Variants in MAP3K1 observed in about 807,000 individuals in gnomAD.
MAP3K1 encodes mitogen-activated protein kinase kinase kinase 1.
MAP3K1 carries 36 observed loss-of-function variants against 144.2 expected under a neutral mutation model. The ratio of observed to expected loss-of-function variants is 0.25; its 90% CI spans 0.19 to 0.33. The LOEUF is 0.33. Among genes scored for constraint, MAP3K1 ranks in the 10% least tolerant of loss-of-function variants. The probability of loss-of-function intolerance (pLI) is 1.00; values close to 1 mark genes in which losing one functional copy is unlikely to be tolerated. For missense variants in MAP3K1, 1,650 were observed against 1,881.9 expected, an observed-to-expected ratio of 0.88 and a Z score of 2.28; for synonymous variants, 718 against 688.7, an observed-to-expected ratio of 1.04 and a Z score of -0.67.
chr5:56,838,326 T>C (rs974990286), intron 1 of MAP3K1, among the ~76,000 whole-genome samples: 17 of 152,228 alleles, frequency 1.1e-4, no homozygotes, highest in Non-Finnish European at 2.4e-4. Flanking sequence ...AAAACAGTTA[T>C]GATGAATGTC....
intron 1 of MAP3K1, among the ~76,000 whole-genome samples, chr5:56,827,794 G>A (rs1356551853): frequency 6.6e-6 from 1 of 152,024 alleles, no homozygotes; most frequent in Non-Finnish European, 1.5e-5. Context: ...AAACTGGAAG[G>A]CAGAGGTTGC....
chr5:56,878,861 C>G, intron 10 of MAP3K1, 119 bp from the exon 11 acceptor site: 1 of 823,330 alleles, frequency 1.2e-6, no homozygotes, highest in Non-Finnish European at 2.0e-6. Context: ...TTATTTTATT[C>G]TATGGGTTAT....
Position 56,895,218 on chromosome 5 carries a change from G to T in MAP3K1, c.*1538G>T, listed in dbSNP as rs1312304560. ...TATTGCTTACAATTTTTAAAAGGCA[G>T]TTTGTTTTTTATGTGAATATGTTTC... On this transcript the variant is annotated 3_prime_UTR_variant, in exon 20 of 20. Coordinates refer to ENST00000399503, the MANE Select transcript of MAP3K1 (RefSeq NM_005921.2). 1 of 231,950 alleles carries T rather than the reference G, an allele frequency of 4.3e-6. No individual in the cohort carries two copies. The highest frequency in any genetic ancestry group is 6.1e-5 in the East Asian group (1 of 16,380). The allele number at this position is 231,950 out of a possible 1,614,324, so 14.4% of individuals were successfully genotyped here.
chr5:56,880,654 A>AT lies in MAP3K1; in HGVS notation c.2088-55dup. ...CAAGGCATTACATTACTCCTCTAATATTGTATAGTGTTTTAGCCAAGATCC... is the reference window on the plus strand; with the variant it reads ...CAAGGCATTACATTACTCCTCTAATATTTGTATAGTGTTTTAGCCAAGATCC... On this transcript the variant is annotated intron_variant, in intron 11 of 19. Transcript: ENST00000399503. 6 of 1,147,086 alleles carry AT rather than the reference A, an allele frequency of 5.2e-6. No individual in the cohort carries two copies. In the South Asian group the frequency reaches 7.4e-5, roughly 14 times the overall value. The allele number at this position is 1,147,086 out of a possible 1,614,324, so 71.1% of individuals were successfully genotyped here.
At chr5:56,825,318 T>G (rs1436570361) in intron 1 of MAP3K1, among the ~76,000 whole-genome samples, 1 of 152,196 alleles carries the variant, frequency 6.6e-6, no homozygotes, top group Non-Finnish European at 1.5e-5. Context: ...CGGCCAGGTC[T>G]AGATTCTTAA....
At chr5:56,842,054 C>T (rs1354179953) in intron 1 of MAP3K1, 1 of 152,196 alleles carries the variant, frequency 6.6e-6, no homozygotes, top group Non-Finnish European at 1.5e-5. Flanking sequence ...GTACTTGCTG[C>T]AGTGCAGTTG....
At chr5:56,829,027 ACTATT>A (rs1233698397) in intron 1 of MAP3K1, among the ~76,000 whole-genome samples, 1 of 152,166 alleles carries the variant, frequency 6.6e-6, no homozygotes, top group Non-Finnish European at 1.5e-5. Context: ...ACTGCATTTC[ACTATT>A]CTATTATTTT....
At chr5:56,835,573 T>A (rs1423986063) in intron 1 of MAP3K1, among the ~76,000 whole-genome samples, 7 of 151,848 alleles carry the variant, frequency 4.6e-5, no homozygotes, top group African/African-American at 1.7e-4. Flanking sequence ...GAGTGGGACG[T>A]ACTTTACTGA....
chr5:56,815,798 G>A lies in MAP3K1; in HGVS notation c.225G>A (p.Glu75=), dbSNP rs1745929590. ...GTGTGGAGCTGGACCAGCTGCCTGA[G>A]CAGCCGCTCTTCCTTGCCGCCTCAC... The part of the protein sequence containing the change: ...VRSVELDQLP[E]QPLFLAASPP... The change falls in exon 1 of 20, where the codon GAG becomes GAA. Residue 75 remains glutamate (E), a synonymous_variant. Coordinates refer to ENST00000399503, the MANE Select transcript of MAP3K1 (RefSeq NM_005921.2). 2 of 1,422,794 alleles carry A rather than the reference G, an allele frequency of 1.4e-6. No homozygotes were observed. The highest frequency in any genetic ancestry group is 9.2e-7 in the Non-Finnish European group (1 of 1,085,462). The allele number at this position is 1,422,794 out of a possible 1,614,324, so 88.1% of individuals were successfully genotyped here.
chr5:56,872,963 A>C lies in MAP3K1; in HGVS notation c.1644A>C (p.Gln548His), dbSNP rs56225368. ...ACCTTACTCATTATGGAACTCAGCA[A>C]ATCCCTCCTGCTTACAAAGATTTAG... Reference protein sequence around the residue: ...NFNLTHYGTQQIPPAYKDLAE... With the variant: ...NFNLTHYGTQHIPPAYKDLAE... Residue 548 changes from glutamine (Q) to histidine (H), a missense_variant, in exon 9 of 20, where the codon CAA (glutamine) becomes CAC (histidine). By Grantham distance (24) the Gln-to-His change is conservative (BLOSUM62 0). This residue lies in a region of MAP3K1 where 841 missense variants were observed against 886.5 expected (regional missense o/e 0.95). Transcript: ENST00000399503. 5 of 1,614,102 alleles carry C rather than the reference A, an allele frequency of 3.1e-6. No individual in the cohort carries two copies. Among genetic ancestry groups the C allele is most frequent in the East Asian group, 2.2e-5 (1 of 44,866 alleles).
chr5:56,820,759 A>G (rs1295575764), intron 1 of MAP3K1: 1 of 985,292 alleles, frequency 1.0e-6, no homozygotes, highest in African/African-American at 1.7e-5. Flanking sequence ...AACTTCTGCA[A>G]GGTGGTGGTC....
intron 11 of MAP3K1, among the ~76,000 whole-genome samples, chr5:56,879,810 C>G (rs1258310326): frequency 3.3e-5 from 5 of 152,108 alleles, no homozygotes; most frequent in African/African-American, 9.7e-5. Context: ...TTTGGTAGTT[C>G]CTATTTCTTT....
intron 6 of MAP3K1, among the ~76,000 whole-genome samples, chr5:56,869,220 A>C (rs966447599): frequency 6.6e-5 from 10 of 152,142 alleles, no homozygotes; most frequent in Non-Finnish European, 1.5e-4. Flanking sequence ...GCAGTGAGCT[A>C]TACTTGTGCC....
Position 56,826,978 on chromosome 5 carries a change from C to T in MAP3K1, c.482+10923C>T, listed in dbSNP as rs1163716672. Among the ~76,000 whole-genome samples the T allele has an allele frequency of 2.0e-5, 3 of 152,240 alleles. No individual in the cohort carries two copies. In the East Asian group the frequency reaches 5.8e-4, roughly 29 times the overall value. Reference sequence around the variant, plus strand: ...TGTGAGTCGGGGAGGCATCAGGAGGCTTTTTTGGGAAATGTGAGGTGGAGC... The same window carrying T: ...TGTGAGTCGGGGAGGCATCAGGAGGTTTTTTTGGGAAATGTGAGGTGGAGC... On this transcript the variant is annotated intron_variant, in intron 1 of 19. Transcript: ENST00000399503.
chr5:56,816,591 C>T (rs1192607165), intron 1 of MAP3K1, among the ~76,000 whole-genome samples: 2 of 152,138 alleles, frequency 1.3e-5, no homozygotes, highest in Non-Finnish European at 2.9e-5. Context: ...CAGGCAGAGC[C>T]CCTCGGCCCG....
At chr5:56,865,743 T>C (rs1747653937) in intron 5 of MAP3K1, 86 bp from the exon 6 acceptor site, 2 of 1,390,310 alleles carry the variant, frequency 1.4e-6, no homozygotes, top group African/African-American at 2.8e-5. Flanking sequence ...ACATGCAAAT[T>C]AAAGATAAAT....
At chr5:56,865,044 C>T in intron 4 of MAP3K1, 110 bp downstream of exon 4, 1 of 1,038,756 alleles carries the variant, frequency 9.6e-7, no homozygotes, top group Admixed American at 2.1e-5. Context: ...CTATAGTAAA[C>T]AAAGTTAAAC....
At chr5:56,883,474 C>G in intron 14 of MAP3K1, 53 bp from the exon 15 acceptor site, 1 of 1,567,104 alleles carries the variant, frequency 6.4e-7, no homozygotes, top group East Asian at 2.3e-5. Context: ...AGACTAATTT[C>G]ACAAAATCTT....
At chr5:56,819,205 G>C (rs1196786143) in intron 1 of MAP3K1, among the ~76,000 whole-genome samples, 2 of 152,150 alleles carry the variant, frequency 1.3e-5, no homozygotes. Context: ...ATCTGATTTT[G>C]GCAAGAGTGA....
Sources: allele counts gnomAD v4.1 joint callset (sites outside exome capture counted in the v4.1 genomes callset), GRCh38; gene constraint gnomAD v4.1.1; regional missense constraint gnomAD v4.1.1; transcripts MANE v1.5; gene names NCBI Gene and HGNC (gene_info 2026-07-23, HGNC 2026-07-21).